ZNF578: variants seen among roughly 807,000 people sequenced by gnomAD.
The protein encoded by ZNF578 is zinc finger protein 578.
In ZNF578, 8 loss-of-function variants were observed where a neutral mutation model predicts 8.3. That is an observed-to-expected ratio of 0.96 (90% CI 0.56 to 1.74). The LOEUF is 1.74. Among genes scored for constraint, ZNF578 ranks in the 40% most tolerant of loss-of-function variants. The pLI is 0.00. For synonymous variants in ZNF578, 206 were observed against 232.2 expected, an observed-to-expected ratio of 0.89 and a Z score of 1.03; for missense variants, 726 against 707.5, an observed-to-expected ratio of 1.03 and a Z score of -0.30.
Position 52,504,926 on chromosome 19 carries a change from T to C in ZNF578, c.190+145T>C, listed in dbSNP as rs1243887620. On this transcript the variant is annotated intron_variant, in intron 5 of 5. Coordinates refer to ENST00000421239, the MANE Select transcript of ZNF578 (RefSeq NM_001099694.2). ...TTGGTTTGAGATGGATCTTTGCTCT[T>C]GTTTCCCAGGCTGGAGAGCAATGGT... The C allele has an allele frequency of 5.4e-6, 8 of 1,473,894 alleles. No individual in the cohort carries two copies. In the East Asian group the frequency reaches 1.8e-4, roughly 34 times the overall value. 91.3% of individuals were successfully genotyped at this position (1,473,894 alleles called of 1,614,324 possible). A position where few individuals can be genotyped will look rare whatever the true frequency, so the allele number is the denominator to read the frequency against.
chr19:52,492,481 A>G (rs1239866691), intron 3 of ZNF578, among the ~76,000 whole-genome samples: 5 of 152,204 alleles, frequency 3.3e-5, no homozygotes, highest in Admixed American at 6.5e-5. Context: ...ATAGAAAGAG[A>G]GAGGATTTCT....
intron 3 of ZNF578, among the ~76,000 whole-genome samples, chr19:52,499,878 A>G (rs2059400463): frequency 6.6e-6 from 1 of 152,066 alleles, no homozygotes; most frequent in South Asian, 2.1e-4. Context: ...TTTGAAGACC[A>G]TGTCCCTATG....
intron 2 of ZNF578, among the ~76,000 whole-genome samples, chr19:52,481,169 C>G (rs1011694101): frequency 1.3e-5 from 2 of 152,030 alleles, no homozygotes; most frequent in Admixed American, 1.3e-4. Flanking sequence ...CTCTCAGTAC[C>G]TCTTTAGGGC....
At chr19:52,488,453 C>CA (rs1456403778) in intron 2 of ZNF578, among the ~76,000 whole-genome samples, 3 of 151,830 alleles carry the variant, frequency 2.0e-5, no homozygotes, top group Non-Finnish European at 4.4e-5. Flanking sequence ...CTAAAAAATA[C>CA]AAAAAATTAG....
chr19:52,507,372 A>T (rs1198187074), intron 5 of ZNF578, among the ~76,000 whole-genome samples: 2 of 152,124 alleles, frequency 1.3e-5, no homozygotes, highest in Non-Finnish European at 2.9e-5. Flanking sequence ...TGTATGACAG[A>T]GTTAGATTCC....
At chr19:52,479,044 C>G (rs2059316860) in intron 2 of ZNF578, among the ~76,000 whole-genome samples, 1 of 152,058 alleles carries the variant, frequency 6.6e-6, no homozygotes, top group African/African-American at 2.4e-5. Flanking sequence ...CCTTCTCCTG[C>G]TCTGTCCCAA....
chr19:52,463,791 A>G (rs1388900621), intron 2 of ZNF578, among the ~76,000 whole-genome samples: 2 of 152,138 alleles, frequency 1.3e-5, no homozygotes, highest in Non-Finnish European at 2.9e-5. Flanking sequence ...TAGTATGGAT[A>G]ACTTTATCAC....
At chr19:52,480,288 T>C (rs534750488) in intron 2 of ZNF578, among the ~76,000 whole-genome samples, 1 of 152,302 alleles carries the variant, frequency 6.6e-6, no homozygotes, top group Admixed American at 6.5e-5. Context: ...GTAGGTTTCT[T>C]GTTAACCAGT....
At chr19:52,477,627 A>G (rs1301026978) in intron 2 of ZNF578, among the ~76,000 whole-genome samples, 1 of 148,802 alleles carries the variant, frequency 6.7e-6, no homozygotes, top group Non-Finnish European at 1.5e-5. Context: ...TTAGGGTTTG[A>G]CCATTGGCTC....
At chr19:52,474,835 G>A (rs1235641413) in intron 2 of ZNF578, 3 of 203,316 alleles carry the variant, frequency 1.5e-5, no homozygotes, top group Non-Finnish European at 2.1e-5. Flanking sequence ...TGAATTCTTC[G>A]ATGTTGTGCA....
In ZNF578 at chr19:52,454,936, GT is replaced by G. The variant is rs1307162388; in HGVS notation, c.-213+1335del. The G allele has an allele frequency of 2.0e-5, 3 of 152,124 alleles. No individual in the cohort carries two copies. In the South Asian group the frequency reaches 6.2e-4, roughly 31 times the overall value. 9.4% of individuals were successfully genotyped at this position (152,124 alleles called of 1,614,324 possible). A position where few individuals can be genotyped will look rare whatever the true frequency, so the allele number is the denominator to read the frequency against. ...GCACGAGAGCAATGAAAACAGTTTG[GT>G]TTTTTCCTGTCTCAGTGAAGGGAAG... On this transcript the variant is annotated intron_variant, in intron 1 of 5. Transcript: ENST00000421239.
intron 2 of ZNF578, among the ~76,000 whole-genome samples, chr19:52,490,604 T>C (rs1247390014): frequency 6.6e-6 from 1 of 152,182 alleles, no homozygotes; most frequent in Non-Finnish European, 1.5e-5. Flanking sequence ...ATATAGGTAA[T>C]TTTAAGACAG....
chr19:52,492,905 GTCCCCGGCGCT>G (rs1380228184), intron 3 of ZNF578: 4 of 152,290 alleles, frequency 2.6e-5, no homozygotes, highest in Non-Finnish European at 1.5e-5. Context: ...CGCTTCCCAG[GTCCCCGGCGCT>G]TCTGTCCCTA....
chr19:52,483,332 T>C (rs1222915836), intron 2 of ZNF578, among the ~76,000 whole-genome samples: 1 of 152,158 alleles, frequency 6.6e-6, no homozygotes, highest in Non-Finnish European at 1.5e-5. Flanking sequence ...GGAGAATTGC[T>C]TGAACCCGGG....
At chr19:52,473,865 A>C (rs1328456950) in intron 2 of ZNF578, 6 of 315,402 alleles carry the variant, frequency 1.9e-5, no homozygotes, top group African/African-American at 1.3e-4. Context: ...AGGTATGAAT[A>C]GCTACTATAG....
At chr19:52,493,867 GTAACGCCAGCTA>G (rs2059375910) in intron 3 of ZNF578, among the ~76,000 whole-genome samples, 1 of 152,000 alleles carries the variant, frequency 6.6e-6, no homozygotes, top group Non-Finnish European at 1.5e-5. Context: ...GCACATGCCT[GTAACGCCAGCTA>G]TTAGGGAGGC....
chr19:52,507,601 T>G (rs549589329), intron 5 of ZNF578, among the ~76,000 whole-genome samples: 9 of 152,166 alleles, frequency 5.9e-5, no homozygotes, highest in African/African-American at 2.2e-4. Flanking sequence ...TATTTCTCAT[T>G]AATCTGGAAA....
chr19:52,488,104 AC>A (rs1478624218), intron 2 of ZNF578, among the ~76,000 whole-genome samples: 1 of 151,296 alleles, frequency 6.6e-6, no homozygotes, highest in Non-Finnish European at 1.5e-5. Context: ...GGCTTGCACC[AC>A]CCCACCCAGC....
At chr19:52,485,772 G>A (rs1054526549) in intron 2 of ZNF578, among the ~76,000 whole-genome samples, 1 of 152,172 alleles carries the variant, frequency 6.6e-6, no homozygotes, top group Admixed American at 6.5e-5. Context: ...AAGGCAGTAT[G>A]CTTGTTAAAA....
Sources: allele counts gnomAD v4.1 joint callset (sites outside exome capture counted in the v4.1 genomes callset), GRCh38; gene constraint gnomAD v4.1.1; transcripts MANE v1.5; gene names NCBI Gene and HGNC (gene_info 2026-07-23, HGNC 2026-07-21).